The following BAZ2B variants were observed in gnomAD, a reference collection of about 807,000 sequenced individuals.
The protein encoded by BAZ2B is bromodomain adjacent to zinc finger domain protein 2B.
BAZ2B carries 91 observed loss-of-function variants against 246.0 expected under a neutral mutation model. That is an observed-to-expected ratio of 0.37 (90% CI 0.31 to 0.44). The LOEUF is 0.44. BAZ2B is among the 20% of genes least tolerant of loss of function. The pLI is 1.00. For synonymous variants in BAZ2B, 855 were observed against 860.0 expected (o/e 0.99, Z 0.10); for missense variants, 2,332 against 2,533.7 (o/e 0.92, Z 1.71).
chr2:159,561,995 T>G (rs1305334080), intron 1 of BAZ2B, among the ~76,000 whole-genome samples: 2 of 152,228 alleles, frequency 1.3e-5, no homozygotes, highest in Non-Finnish European at 2.9e-5. Flanking sequence ...ATTTAAAAGC[T>G]GCAATTTGCT....
At chr2:159,674,528 A>G in the BAZ2B span, among the ~76,000 whole-genome samples, 1 of 152,008 alleles carries the variant, frequency 6.6e-6, no homozygotes, top group Non-Finnish European at 1.5e-5. Context: ...CAGCCTGGCC[A>G]ACATGGTGAA....
At chr2:159,649,652 T>C in the BAZ2B span, among the ~76,000 whole-genome samples, 1 of 151,932 alleles carries the variant, frequency 6.6e-6, no homozygotes, top group Non-Finnish European at 1.5e-5. Context: ...TTATTACTAT[T>C]TGTGAACAAT....
At chr2:159,512,066 G>A (rs1349435836) in intron 2 of BAZ2B, among the ~76,000 whole-genome samples, 2 of 152,028 alleles carry the variant, frequency 1.3e-5, no homozygotes, top group Non-Finnish European at 2.9e-5. Flanking sequence ...GAAATATATA[G>A]ACAATGTAAA....
chr2:159,599,724 T>C (rs1691634955), intron 1 of BAZ2B, among the ~76,000 whole-genome samples: 2 of 151,914 alleles, frequency 1.3e-5, no homozygotes, highest in South Asian at 4.2e-4. Context: ...ATCACAAGGT[T>C]AGGAGATCGA....
the BAZ2B span, among the ~76,000 whole-genome samples, chr2:159,695,743 CT>C: frequency 1.3e-5 from 2 of 151,868 alleles, no homozygotes; most frequent in Non-Finnish European, 2.9e-5. Flanking sequence ...ATCTATATAT[CT>C]TTTTTTATTT....
intron 1 of BAZ2B, among the ~76,000 whole-genome samples, chr2:159,561,938 G>A (rs2089919477): frequency 6.6e-6 from 1 of 152,130 alleles, no homozygotes; most frequent in African/African-American, 2.4e-5. Flanking sequence ...TTGGATTTTG[G>A]AGAACTGAGT....
At chr2:159,690,308 C>T in the BAZ2B span, 360 of 250,642 alleles carry the variant, frequency 1.4e-3, no homozygotes, top group African/African-American at 7.4e-3. Context: ...CGCTCATTCT[C>T]GCCAACTGCC....
intron 4 of BAZ2B, 134 bp from the exon 5 acceptor site, chr2:159,448,543 T>C: frequency 1.9e-6 from 2 of 1,046,558 alleles, no homozygotes; most frequent in Non-Finnish European, 2.6e-6. Flanking sequence ...CTCATACTTC[T>C]GATCATTTTC....
At chr2:159,399,327 A>C (rs2064587801) in intron 17 of BAZ2B, among the ~76,000 whole-genome samples, 1 of 152,134 alleles carries the variant, frequency 6.6e-6, no homozygotes, top group Non-Finnish European at 1.5e-5. Context: ...AAGAATTAGT[A>C]ATATTTGAGA....
intron 31 of BAZ2B, 45 bp from the exon 32 acceptor site, chr2:159,337,817 G>A: frequency 6.4e-7 from 1 of 1,551,116 alleles, no homozygotes; most frequent in Non-Finnish European, 8.8e-7. Flanking sequence ...CTCTTAAAAT[G>A]CTAGGTGGGT....
chr2:159,654,078 A>G, the BAZ2B span, among the ~76,000 whole-genome samples: 2 of 152,216 alleles, frequency 1.3e-5, no homozygotes, highest in African/African-American at 4.8e-5. Context: ...GTGGGAATGC[A>G]ATCAGAAATA....
intron 13 of BAZ2B, among the ~76,000 whole-genome samples, chr2:159,422,223 T>G (rs78467597): frequency 0.019 from 2,873 of 152,304 alleles, 43 homozygotes; most frequent in Middle Eastern, 0.071. Flanking sequence ...ACGTAATGTT[T>G]CACAGAAACA....
chr2:159,344,980 T>G (rs903004295), intron 31 of BAZ2B, among the ~76,000 whole-genome samples: 1 of 151,854 alleles, frequency 6.6e-6, no homozygotes, highest in African/African-American at 2.4e-5. Flanking sequence ...GAGGCCGAGG[T>G]GGGCAGATGA....
At chr2:159,409,885 A>G (rs137935764) in intron 14 of BAZ2B, among the ~76,000 whole-genome samples, 90 of 152,362 alleles carry the variant, frequency 5.9e-4, no homozygotes, top group African/African-American at 2.0e-3. Context: ...AATCCAATGT[A>G]TTATAACAAG....
intron 13 of BAZ2B, among the ~76,000 whole-genome samples, chr2:159,424,499 T>G (rs2069401706): frequency 6.6e-6 from 1 of 152,158 alleles, no homozygotes; most frequent in African/African-American, 2.4e-5. Context: ...ATATAATATA[T>G]GGAGAACTGG....
At chr2:159,694,799 TTG>T in the BAZ2B span, 1 of 152,234 alleles carries the variant, frequency 6.6e-6, no homozygotes, top group Non-Finnish European at 1.5e-5. Flanking sequence ...GTATAGGGTT[TTG>T]TGTGACATGT....
At chr2:159,401,293 G>T (rs970641299) in intron 16 of BAZ2B, among the ~76,000 whole-genome samples, 3 of 152,148 alleles carry the variant, frequency 2.0e-5, no homozygotes, top group African/African-American at 7.2e-5. Flanking sequence ...ATATAGGACT[G>T]AATAGCAGAA....
intron 1 of BAZ2B, among the ~76,000 whole-genome samples, chr2:159,574,138 C>A (rs113602188): frequency 1.8e-5 from 2 of 111,586 alleles, no homozygotes; most frequent in Admixed American, 8.6e-5. Flanking sequence ...CACACACACA[C>A]ACATACACAC....
At chr2:159,640,025 G>A in the BAZ2B span, among the ~76,000 whole-genome samples, 1 of 151,980 alleles carries the variant, frequency 6.6e-6, no homozygotes, top group South Asian at 2.1e-4. Flanking sequence ...TTCATTTGGT[G>A]CCAATGGAAA....
Sources: allele counts gnomAD v4.1 joint callset (sites outside exome capture counted in the v4.1 genomes callset), GRCh38; gene constraint gnomAD v4.1.1; transcripts MANE v1.5; gene names NCBI Gene and HGNC (gene_info 2026-07-23, HGNC 2026-07-21).